Variants in DDX43 observed in about 807,000 individuals in gnomAD.
The protein encoded by DDX43 is DEAD-box helicase 43, also known as probable ATP-dependent RNA helicase DDX43.
Under a neutral mutation model 84.9 loss-of-function variants are expected in DDX43, and 50 were observed. The ratio of observed to expected loss-of-function variants is 0.59; its 90% CI spans 0.47 to 0.75. The LOEUF (loss-of-function observed/expected upper bound fraction) is 0.75. DDX43 is among the 30% of genes least tolerant of loss of function. The pLI, the probability that DDX43 is intolerant of heterozygous loss-of-function variation, is 0.00. For synonymous variants in DDX43, 291 were observed against 266.3 expected (o/e 1.09, Z -0.90); for missense variants, 689 against 798.6 (o/e 0.86, Z 1.65).
At chr6:73,412,374 C>T (rs1769803476) in intron 11 of DDX43, 82 bp downstream of exon 11, 6 of 1,089,414 alleles carry the variant, frequency 5.5e-6, no homozygotes, top group Non-Finnish European at 8.1e-6. Flanking sequence ...CTAGTCTGCC[C>T]ACTCCCCAAT....
intron 10 of DDX43, among the ~76,000 whole-genome samples, chr6:73,410,716 CTGAG>C (rs1769767191): frequency 6.6e-6 from 1 of 152,148 alleles, no homozygotes; most frequent in Non-Finnish European, 1.5e-5. Context: ...CCTCAGCCTT[CTGAG>C]TAACTGGAAC....
intron 2 of DDX43, among the ~76,000 whole-genome samples, chr6:73,399,031 T>A (rs932329772): frequency 2.6e-5 from 4 of 152,164 alleles, no homozygotes; most frequent in Admixed American, 6.5e-5. Flanking sequence ...CCGCAACCAC[T>A]GCCTCCTGGG....
intron 2 of DDX43, 42 bp from the exon 3 acceptor site, chr6:73,400,192 A>G (rs1475311142): frequency 2.6e-6 from 4 of 1,537,548 alleles, no homozygotes; most frequent in Non-Finnish European, 3.5e-6. Flanking sequence ...TATGTTTTTT[A>G]GGGAAATTTT....
chr6:73,410,313 C>T (rs1433472154), intron 10 of DDX43, among the ~76,000 whole-genome samples: 1 of 152,014 alleles, frequency 6.6e-6, no homozygotes, highest in Non-Finnish European at 1.5e-5. Context: ...ACTACAGGCA[C>T]ACGTCACCAT....
rs969352252 is a variant in DDX43, at chr6:73,407,124, A to AT, written c.927-371dup. ...GTCTAACTGATACTCATTGCTACAA[A>AT]TTTTTTTTTTGAGACAAAGTTTTGC... On this transcript the variant is annotated intron_variant, in intron 7 of 16. Transcript: ENST00000370336. 772 of 158,786 alleles carry AT rather than the reference A, an allele frequency of 4.9e-3. 9 individuals carry two copies. Among genetic ancestry groups the AT allele is most frequent in the African/African-American group, 0.016 (671 of 41,124 alleles). 9.8% of individuals were successfully genotyped at this position (158,786 alleles called of 1,614,324 possible). A position where few individuals can be genotyped will look rare whatever the true frequency, so the allele number is the denominator to read the frequency against.
In DDX43 at chr6:73,409,230, TC is replaced by T. The variant is rs763155302; in HGVS notation, c.1180-17del. The T allele has an allele frequency of 6.3e-7, 1 of 1,598,716 alleles. No individual in the cohort carries two copies. The highest frequency in any genetic ancestry group is 1.7e-5 in the Admixed American group (1 of 59,982). On this transcript the variant is annotated splice_polypyrimidine_tract_variant and intron_variant, in intron 9 of 16. Transcript: ENST00000370336. ...CCTCCCATATCTAATCTAACCACAT[TC>T]TTTTTTGTCAATGCAGGTTTTAGAT... is the stretch of plus-strand genomic sequence containing the variant.
At chr6:73,407,385 C>T (rs1402258019) in intron 7 of DDX43, 120 bp from the exon 8 acceptor site, 2 of 678,056 alleles carry the variant, frequency 2.9e-6, no homozygotes, top group Non-Finnish European at 5.2e-6. Flanking sequence ...TCCCAAAGTG[C>T]TGAGATTACA....
chr6:73,406,730 C>G (rs1769692043), intron 7 of DDX43, among the ~76,000 whole-genome samples: 1 of 152,142 alleles, frequency 6.6e-6, no homozygotes, highest in Admixed American at 6.5e-5. Context: ...TAAACTATGT[C>G]CAATACACTT....
At chr6:73,397,779 CA>C in intron 2 of DDX43, 35 bp downstream of exon 2, 6 of 1,579,264 alleles carry the variant, frequency 3.8e-6, no homozygotes, top group Non-Finnish European at 5.2e-6. Context: ...CTTAAGAGAG[CA>C]TCATGCATTT....
intron 4 of DDX43, among the ~76,000 whole-genome samples, chr6:73,404,484 G>T (rs1769636299): frequency 6.6e-6 from 1 of 152,230 alleles, no homozygotes; most frequent in Admixed American, 6.5e-5. Flanking sequence ...CTCTCAAAGT[G>T]CTGGGATTAG....
chr6:73,399,388 C>A (rs1769527846), intron 2 of DDX43, among the ~76,000 whole-genome samples: 1 of 152,156 alleles, frequency 6.6e-6, no homozygotes, highest in Non-Finnish European at 1.5e-5. Context: ...TGTCCTCTCC[C>A]CTAATTCCTT....
chr6:73,395,217 G>A (rs1769441978), intron 1 of DDX43, 62 bp downstream of exon 1: 2 of 1,515,862 alleles, frequency 1.3e-6, no homozygotes, highest in Admixed American at 2.1e-5. Context: ...CCTGGGCGAA[G>A]GCATTTCCTC....
Position 73,400,345 on chromosome 6 carries a change from A to G in DDX43, c.418A>G (p.Asn140Asp), listed in dbSNP as rs1183329384. 2 of 1,606,646 alleles carry G rather than the reference A, an allele frequency of 1.2e-6. No homozygotes were observed. The highest frequency in any genetic ancestry group is 1.1e-5 in the South Asian group (1 of 89,000). The stretch of plus-strand genomic sequence containing the variant: ...TGTTAAAAAGCTAGAAGAAAATTAC[A>G]ATTCAGAATGCGGAATTGGTAAGTA... ...NFVKKLEENY[N>D]SECGIDTAFQ... is the part of the protein sequence containing the mutation. Residue 140 changes from asparagine (N) to aspartate (D), a missense_variant, in exon 3 of 17, where the codon AAT becomes GAT. Physicochemically the swap from Asn to Asp is conservative, Grantham distance 23. Around this residue, in one of 2 missense-constraint regions of DDX43, gnomAD observed 552 missense variants for 692.7 expected, o/e 0.80. Coordinates refer to ENST00000370336, the MANE Select transcript of DDX43 (RefSeq NM_018665.3).
At chr6:73,416,057 T>A in intron 15 of DDX43, 56 bp from the exon 16 acceptor site, 7 of 900,486 alleles carry the variant, frequency 7.8e-6, no homozygotes, top group Non-Finnish European at 1.3e-5. Context: ...TGGATGCATT[T>A]TAGTGTTGTA....
intron 11 of DDX43, among the ~76,000 whole-genome samples, chr6:73,412,669 G>GTGTGTGTGTGCA (rs1491262351): frequency 3.4e-5 from 1 of 29,190 alleles, no homozygotes; most frequent in Non-Finnish European, 9.1e-5. Flanking sequence ...GTGTGTGTGT[G>GTGTGTGTGTGCA]CGCGCGCGCG....
chr6:73,406,055 CTGT>C (rs1769674985), intron 6 of DDX43, among the ~76,000 whole-genome samples: 1 of 145,702 alleles, frequency 6.9e-6, no homozygotes, highest in Non-Finnish European at 1.5e-5. Context: ...GACAGTTTTG[CTGT>C]TGTTGCCCAG....
Position 73,416,099 on chromosome 6 carries a change from T to G in DDX43, c.1834-14T>G. ...AACTCAGAATCCTAATAACAACACG[T>G]TGAATAATTTCAGAGTATTCCAGAG... On this transcript the variant is annotated splice_polypyrimidine_tract_variant and intron_variant, in intron 15 of 16. Coordinates refer to ENST00000370336, the MANE Select transcript of DDX43 (RefSeq NM_018665.3). 1 of 1,325,088 alleles carries G rather than the reference T, an allele frequency of 7.5e-7. No individual in the cohort carries two copies. Among genetic ancestry groups the G allele is most frequent in the Non-Finnish European group, 1.1e-6 (1 of 918,358 alleles). 82.1% of individuals were successfully genotyped at this position (1,325,088 alleles called of 1,614,324 possible). A position where few individuals can be genotyped will look rare whatever the true frequency, so the allele number is the denominator to read the frequency against.
intron 14 of DDX43, 118 bp from the exon 15 acceptor site, chr6:73,415,379 C>A (rs1769882807): frequency 1.7e-6 from 1 of 591,004 alleles, no homozygotes; most frequent in South Asian, 2.8e-5. Flanking sequence ...GATTTAGATT[C>A]CAAATCTGTT....
At chr6:73,417,135 T>G (rs946407072) in intron 16 of DDX43, 52 bp from the exon 17 acceptor site, 1 of 152,212 alleles carries the variant, frequency 6.6e-6, no homozygotes, top group African/African-American at 2.4e-5. Flanking sequence ...ATCACAAGCT[T>G]TTTAAAAACA....
Sources: allele counts gnomAD v4.1 joint callset (sites outside exome capture counted in the v4.1 genomes callset), GRCh38; gene constraint gnomAD v4.1.1; regional missense constraint gnomAD v4.1.1; transcripts MANE v1.5; gene names NCBI Gene and HGNC (gene_info 2026-07-23, HGNC 2026-07-21).